The following ADGRF3 variants were observed in gnomAD, a reference collection of about 807,000 sequenced individuals.
The protein encoded by ADGRF3 is adhesion G protein-coupled receptor F3.
In ADGRF3, 85 loss-of-function variants were observed where a neutral mutation model predicts 93.2. The ratio of observed to expected loss-of-function variants is 0.91; its 90% CI spans 0.77 to 1.09. The LOEUF (loss-of-function observed/expected upper bound fraction) is 1.09. Ranked by LOEUF, ADGRF3 falls within the 50% of genes least tolerant of loss-of-function variation. The pLI is 0.00. For synonymous variants in ADGRF3, 534 were observed against 532.5 expected (o/e 1.00, Z -0.04); for missense variants, 1,125 against 1,246.2 (o/e 0.90, Z 1.46).
At chr2:26,333,753 T>C (rs1360201807) in intron 1 of ADGRF3, among the ~76,000 whole-genome samples, 1 of 152,116 alleles carries the variant, frequency 6.6e-6, no homozygotes, top group African/African-American at 2.4e-5. Context: ...ACAAAAGTTC[T>C]TACTTCTAGC....
At position 26,346,183 on chromosome 2, in the gene ADGRF3, C is replaced by T. The variant is rs1448171887; in HGVS notation, c.52G>A (p.Ala18Thr). 6 of 1,612,692 alleles carry T rather than the reference C, an allele frequency of 3.7e-6. No homozygotes were observed. The highest frequency in any genetic ancestry group is 1.3e-5 in the African/African-American group (1 of 74,902). ...AHSAATPGYK[A>T]VTHKHHTGWA... ...CCGGTGTGGTGCTTGTGTGTCACAG[C>T]CTTGTAGCCGGGAGTCGCTGCCGAG... Residue 18 changes from alanine (A) to threonine (T), a missense_variant, in exon 1 of 14, where the codon GCT (alanine) becomes ACT (threonine). Ala to Thr is a moderately conservative substitution (Grantham distance 58, BLOSUM62 0). Transcript: ENST00000651242.
chr2:26,332,864 A>G (rs986885771), intron 1 of ADGRF3, among the ~76,000 whole-genome samples: 1 of 151,910 alleles, frequency 6.6e-6, no homozygotes, highest in Non-Finnish European at 1.5e-5. Flanking sequence ...CAATCCTCCC[A>G]CCTCAGCCTC....
chr2:26,334,097 G>C (rs761695571), intron 1 of ADGRF3, among the ~76,000 whole-genome samples: 9 of 151,610 alleles, frequency 5.9e-5, no homozygotes, highest in Non-Finnish European at 8.8e-5. Context: ...AAGTGCGTGA[G>C]CCACTGTGTC....
chr2:26,339,261 C>T (rs1229084852), intron 1 of ADGRF3, among the ~76,000 whole-genome samples: 3 of 151,902 alleles, frequency 2.0e-5, no homozygotes, highest in Admixed American at 6.6e-5. Flanking sequence ...TTTGGGAGGC[C>T]GAGGTGGGTG....
intron 1 of ADGRF3, among the ~76,000 whole-genome samples, chr2:26,322,667 G>A (rs1675217973): frequency 6.6e-6 from 1 of 152,166 alleles, no homozygotes; most frequent in Non-Finnish European, 1.5e-5. Context: ...CCAGTGCCTA[G>A]CACCGTGCAT....
rs1462652707 is a variant in ADGRF3, at chr2:26,310,745, C to G, written c.2779G>C (p.Glu927Gln). ...TWGLGLATLL[E>Q]EVSTVPHYIF... Reference sequence around the variant, plus strand: ...TAATGAGGGACCGTGGAGACTTCCTCTAACAGAGTGGCCAGGCCCAGCCCC... The same window carrying G: ...TAATGAGGGACCGTGGAGACTTCCTGTAACAGAGTGGCCAGGCCCAGCCCC... Residue 927 changes from glutamate to glutamine, a missense_variant, in exon 10 of 14, where the codon GAG becomes CAG. Transcript: ENST00000651242. The G allele has an allele frequency of 6.2e-7, 1 of 1,613,312 alleles. No homozygotes were observed. Among genetic ancestry groups the G allele is most frequent in the Non-Finnish European group, 8.5e-7 (1 of 1,179,586 alleles).
rs1558382915 is a variant in ADGRF3 at position 26,313,414 on chromosome 2, G to C, written c.1232C>G (p.Thr411Arg). The change falls in exon 8 of 14, where the codon ACA (threonine) becomes AGA (arginine). Residue 411 changes from threonine (T) to arginine (R), a missense_variant. Thr to Arg is a moderately conservative substitution (Grantham distance 71). Transcript: ENST00000651242. Reference protein sequence around the residue: ...GVWGPVHSSCTDARLLALFTR... With the variant: ...GVWGPVHSSCRDARLLALFTR... ...GAACAAGGCCAGGAGCCTCGCATCT[G>C]TGCAGCTGCTGTGGACCGGCCCCCA... 1 of 1,607,698 alleles carries C rather than the reference G, an allele frequency of 6.2e-7. No individual in the cohort carries two copies. The highest frequency in any genetic ancestry group is 8.5e-7 in the Non-Finnish European group (1 of 1,177,302).
chr2:26,308,975 G>C lies in ADGRF3; in HGVS notation c.*111C>G. ...GGAAATATAAGCCTGCCTTTCTCAA[G>C]GGCTGAGCTCCGGGAGGCGGGAAGA... On this transcript the variant is annotated 3_prime_UTR_variant, in exon 14 of 14. Transcript: ENST00000651242. The C allele has an allele frequency of 6.9e-7, 1 of 1,453,974 alleles. No homozygotes were observed. The highest frequency in any genetic ancestry group is 1.2e-5 in the South Asian group (1 of 86,740). The allele number at this position is 1,453,974 out of a possible 1,614,324, so 90.1% of individuals were successfully genotyped here.
chr2:26,310,757 C>G lies in ADGRF3; in HGVS notation c.2767G>C (p.Ala923Pro). The G allele has an allele frequency of 3.7e-6, 6 of 1,613,310 alleles. No homozygotes were observed. Among genetic ancestry groups the G allele is most frequent in the Non-Finnish European group, 5.1e-6 (6 of 1,179,584 alleles). The change falls in exon 10 of 14, where the codon GCC becomes CCC. Residue 923 changes from alanine to proline, a missense_variant. By Grantham distance (27) the Ala-to-Pro change is conservative (BLOSUM62 -1). Coordinates refer to ENST00000651242, the MANE Select transcript of ADGRF3 (RefSeq NM_001321971.2). ...GTGGAGACTTCCTCTAACAGAGTGG[C>G]CAGGCCCAGCCCCCAGGTGAGGCCA... ...IFGLTWGLGL[A>P]TLLEEVSTVP...
chr2:26,344,133 A>G (rs1188279663), intron 1 of ADGRF3, among the ~76,000 whole-genome samples: 2 of 152,106 alleles, frequency 1.3e-5, no homozygotes, highest in Non-Finnish European at 2.9e-5. Flanking sequence ...AAGTTTTACA[A>G]GTATGAAGGG....
intron 1 of ADGRF3, among the ~76,000 whole-genome samples, chr2:26,321,763 G>A: frequency 6.6e-6 from 1 of 152,014 alleles, no homozygotes; most frequent in East Asian, 1.9e-4. Flanking sequence ...CCTGAGGTCA[G>A]GAGTTCGAGA....
chr2:26,324,269 AAG>A, intron 1 of ADGRF3, among the ~76,000 whole-genome samples: 1 of 152,226 alleles, frequency 6.6e-6, no homozygotes, highest in South Asian at 2.1e-4. Context: ...AAAGAAAAGA[AAG>A]AGAGAAAGTA....
At position 26,313,012 on chromosome 2, in the gene ADGRF3, C is replaced by T; in HGVS notation, c.1380G>A (p.Leu460=). Residue 460 remains leucine, a synonymous_variant, in exon 9 of 14, where the codon CTG becomes CTA. Transcript: ENST00000651242. The part of the protein sequence containing the change: ...ASSPSDLLTL[L]STMKYVAKVV... ...CCTTGGCCACGTATTTCATGGTGCT[C>T]AGCAGGGTCAGTAAGTCGGAGGGTG... The T allele has an allele frequency of 1.2e-6, 2 of 1,614,024 alleles. No homozygotes were observed. Among genetic ancestry groups the T allele is most frequent in the East Asian group, 2.2e-5 (1 of 44,878 alleles).
In ADGRF3 at chr2:26,314,409, C is replaced by T; in HGVS notation, c.928+5G>A. Reference sequence around the variant, plus strand: ...TGACCCCTGACTGCTGGCCCCTTCTCATACCTTTGCTGCCCTCTCCAGGGC... The same window carrying T: ...TGACCCCTGACTGCTGGCCCCTTCTTATACCTTTGCTGCCCTCTCCAGGGC... On this transcript the variant is annotated splice_donor_5th_base_variant and intron_variant, in intron 6 of 13. Coordinates refer to ENST00000651242, the MANE Select transcript of ADGRF3 (RefSeq NM_001321971.2). 5.0e-6 allele frequency: 8 copies of T among 1,611,074 alleles called. No individual in the cohort carries two copies. Among genetic ancestry groups the T allele is most frequent in the East Asian group, 2.2e-5 (1 of 44,820 alleles).
chr2:26,309,602 C>G (rs374326896), intron 12 of ADGRF3, 21 bp from the exon 13 acceptor site: 2 of 1,610,344 alleles, frequency 1.2e-6, no homozygotes, highest in African/African-American at 2.7e-5. Context: ...GTGGGAAGGC[C>G]CAATTGCAGG....
chr2:26,321,100 C>A (rs528923536), intron 1 of ADGRF3, among the ~76,000 whole-genome samples: 1 of 152,064 alleles, frequency 6.6e-6, no homozygotes, highest in Non-Finnish European at 1.5e-5. Flanking sequence ...AACACACACA[C>A]AAAGTACGAA....
rs138635223 is a variant in ADGRF3 at position 26,313,546 on chromosome 2, G to T, written c.1100C>A (p.Ala367Asp). 1.2e-4 allele frequency: 190 copies of T among 1,608,850 alleles called. No homozygotes were observed. The African/African-American group carries it at 2.0e-3, about 17-fold the overall frequency. Residue 367 changes from alanine to aspartate, a missense_variant, in exon 8 of 14, where the codon GCC becomes GAC. Physicochemically the swap from Ala to Asp is moderately radical, Grantham distance 126. Coordinates refer to ENST00000651242, the MANE Select transcript of ADGRF3 (RefSeq NM_001321971.2). The part of the protein sequence containing the change: ...QDGDITCPED[A>D]SVLTWNVTKA... ...GGTGACATTCCAGGTGAGCACCGAG[G>T]CGTCCTCAGGGCAGGTGATGTCTCC...
chr2:26,311,810 G>A lies in ADGRF3; in HGVS notation c.1714C>T (p.His572Tyr), dbSNP rs768039318. Reference sequence around the variant, plus strand: ...TTACGGACCAATGGGGCCAGTGAGTGCCTGGGAATCTGAGCCTGCAGTGGG... The same window carrying A: ...TTACGGACCAATGGGGCCAGTGAGTACCTGGGAATCTGAGCCTGCAGTGGG... ...RPPLQAQIPRHSLAPLVRNGT... is the reference protein window; with the variant it reads ...RPPLQAQIPRYSLAPLVRNGT... The change falls in exon 10 of 14, where the codon CAC becomes TAC. Residue 572 changes from histidine (H) to tyrosine (Y), a missense_variant. Coordinates refer to ENST00000651242, the MANE Select transcript of ADGRF3 (RefSeq NM_001321971.2). The A allele has an allele frequency of 1.4e-5, 23 of 1,613,732 alleles. No homozygotes were observed. Among genetic ancestry groups the A allele is most frequent in the South Asian group, 3.3e-5 (3 of 91,046 alleles).
chr2:26,331,487 T>G (rs1675765482), intron 1 of ADGRF3, among the ~76,000 whole-genome samples: 1 of 152,140 alleles, frequency 6.6e-6, no homozygotes, highest in Non-Finnish European at 1.5e-5. Flanking sequence ...GGGCAGAGGT[T>G]GCAGTGAGCC....
Sources: gnomAD v4.1 joint callset for allele counts (sites outside exome capture counted in the v4.1 genomes callset) on GRCh38, gnomAD v4.1.1 for gene constraint, MANE v1.5 for transcripts, NCBI Gene and HGNC (gene_info 2026-07-23, HGNC 2026-07-21) for gene names.